The following KCNMA1 variants were observed in gnomAD, a reference collection of about 807,000 sequenced individuals.
The protein encoded by KCNMA1 is Calcium-activated potassium channel subunit alpha-1.
Under a neutral mutation model 140.0 loss-of-function variants are expected in KCNMA1, and 29 were observed. That is an observed-to-expected ratio of 0.21 (90% CI 0.15 to 0.28). The LOEUF (loss-of-function observed/expected upper bound fraction) is 0.28, where lower values mean the gene tolerates loss of function less well. KCNMA1 is among the 10% of genes least tolerant of loss of function. The pLI, the probability that KCNMA1 is intolerant of heterozygous loss-of-function variation, is 1.00. For missense variants in KCNMA1, 880 were observed against 1,602.2 expected (o/e 0.55, Z 7.70); for synonymous variants, 612 against 611.9 (o/e 1.00, Z 0.00).
chr10:77,209,403 G>A (rs1322703136), intron 3 of KCNMA1, among the ~76,000 whole-genome samples: 1 of 152,138 alleles, frequency 6.6e-6, no homozygotes, highest in Non-Finnish European at 1.5e-5. Context: ...CAAATTCTTG[G>A]TTTCTCACCT....
intron 1 of KCNMA1, among the ~76,000 whole-genome samples, chr10:77,431,672 G>T (rs1314749062): frequency 8.4e-6 from 1 of 119,752 alleles, no homozygotes; most frequent in Non-Finnish European, 1.6e-5. Flanking sequence ...CCTGAAGTCT[G>T]GTCTGTTGTA....
chr10:77,345,562 A>G (rs1287797431), intron 2 of KCNMA1, among the ~76,000 whole-genome samples: 1 of 152,204 alleles, frequency 6.6e-6, no homozygotes, highest in Non-Finnish European at 1.5e-5. Context: ...CATCAACCCA[A>G]GGGGGACAAA....
At chr10:77,054,760 T>C (rs1225602213) in intron 14 of KCNMA1, among the ~76,000 whole-genome samples, 1 of 152,232 alleles carries the variant, frequency 6.6e-6, no homozygotes, top group African/African-American at 2.4e-5. Flanking sequence ...TTTTATTGCA[T>C]GCCATTCTTC....
intron 13 of KCNMA1, among the ~76,000 whole-genome samples, chr10:77,073,901 T>G (rs931241276): frequency 6.6e-6 from 1 of 152,146 alleles, no homozygotes; most frequent in Non-Finnish European, 1.5e-5. Flanking sequence ...CTCTTGCAAA[T>G]GGACTGGTCC....
chr10:77,211,174 T>G (rs1385469842), intron 3 of KCNMA1, among the ~76,000 whole-genome samples: 2 of 151,812 alleles, frequency 1.3e-5, no homozygotes, highest in Non-Finnish European at 2.9e-5. Context: ...CCAACAAAGC[T>G]GGAGGCATCA....
At chr10:77,579,948 C>CAT (rs1036240544) in intron 1 of KCNMA1, among the ~76,000 whole-genome samples, 4 of 152,204 alleles carry the variant, frequency 2.6e-5, no homozygotes. Context: ...AACAGCCTCT[C>CAT]GTCCTAGCAA....
chr10:77,048,174 C>T (rs1023841729), intron 14 of KCNMA1, among the ~76,000 whole-genome samples: 2 of 147,798 alleles, frequency 1.4e-5, no homozygotes, highest in African/African-American at 2.5e-5. Flanking sequence ...ATGCAAGGTA[C>T]AAATCCAAAA....
chr10:77,138,636 TC>T lies in KCNMA1; in HGVS notation c.809-17589del, dbSNP rs374272518. ...TCAAATATCCATCAGATTACATTGC[TC>T]CCTGCCAAAAGCCATTACATGGCAT... On this transcript the variant is annotated intron_variant, in intron 5 of 27. Transcript: ENST00000286628. Among the ~76,000 whole-genome samples, 1,482 of 152,198 alleles carry T rather than the reference TC, an allele frequency of 9.7e-3. 19 individuals are homozygous for T. The highest frequency in any genetic ancestry group is 0.033 in the African/African-American group (1,386 of 41,512).
downstream of KCNMA1, chr10:76,877,673 G>T: frequency 6.8e-7 from 1 of 1,475,868 alleles, no homozygotes; most frequent in African/African-American, 1.4e-5. Flanking sequence ...CATGTAAGAA[G>T]AAAAGTCACA....
intron 19 of KCNMA1, among the ~76,000 whole-genome samples, chr10:76,989,925 G>C (rs1907722): frequency 0.31 from 47,373 of 151,944 alleles, 7,968 homozygotes; most frequent in Admixed American, 0.41. Context: ...ATGTGATCTT[G>C]GTCAAGTTCA....
At chr10:77,172,127 T>C (rs2098713790) in intron 5 of KCNMA1, among the ~76,000 whole-genome samples, 1 of 152,196 alleles carries the variant, frequency 6.6e-6, no homozygotes, top group Admixed American at 6.5e-5. Context: ...CAATCCATTA[T>C]GGCCCTGGTC....
chr10:77,236,551 T>C (rs1478197006), intron 3 of KCNMA1, among the ~76,000 whole-genome samples: 1 of 152,238 alleles, frequency 6.6e-6, no homozygotes, highest in Non-Finnish European at 1.5e-5. Flanking sequence ...TTCCCTGGAT[T>C]ACTGCAACCA....
chr10:77,561,690 C>A (rs983998659), intron 1 of KCNMA1, among the ~76,000 whole-genome samples: 1 of 152,142 alleles, frequency 6.6e-6, no homozygotes, highest in Admixed American at 6.5e-5. Flanking sequence ...ACAAGGGGCA[C>A]CATTGGCTAG....
chr10:77,475,213 G>A (rs532317698), intron 1 of KCNMA1, among the ~76,000 whole-genome samples: 13 of 152,168 alleles, frequency 8.5e-5, no homozygotes, highest in Non-Finnish European at 1.9e-4. Flanking sequence ...TCACCATTAC[G>A]AAAGAGGACA....
At chr10:76,982,179 G>A (rs1197787877) in intron 19 of KCNMA1, among the ~76,000 whole-genome samples, 1 of 152,118 alleles carries the variant, frequency 6.6e-6, no homozygotes, top group East Asian at 1.9e-4. Context: ...CCTAGCCAGA[G>A]AAATTAGATA....
chr10:77,518,375 C>T lies in KCNMA1; in HGVS notation c.379-114352G>A, dbSNP rs997439365. On this transcript the variant is annotated intron_variant, in intron 1 of 27. Transcript: ENST00000286628. ...CCAGAACAGGCCAACACATGGCAGG[C>T]CCTGGGACTGAAATTTCATAGTCCA... 2.0e-5 allele frequency among the ~76,000 whole-genome samples: 3 copies of T among 152,242 alleles called. No individual in the cohort carries two copies. In the South Asian group the frequency reaches 6.2e-4, roughly 32 times the overall value.
chr10:77,351,525 T>C (rs1392641426), intron 2 of KCNMA1, among the ~76,000 whole-genome samples: 1 of 152,196 alleles, frequency 6.6e-6, no homozygotes, highest in Non-Finnish European at 1.5e-5. Context: ...AACTAGGCTC[T>C]GTCACTCAGA....
intron 1 of KCNMA1, among the ~76,000 whole-genome samples, chr10:77,580,435 C>A (rs971730348): frequency 6.6e-6 from 1 of 151,694 alleles, no homozygotes; most frequent in African/African-American, 2.4e-5. Flanking sequence ...ACTAAAATCT[C>A]TAGGGATGAA....
At chr10:77,136,761 A>C (rs116042720) in intron 5 of KCNMA1, among the ~76,000 whole-genome samples, 2,014 of 152,248 alleles carry the variant, frequency 0.013, 43 homozygotes, top group African/African-American at 0.046. Context: ...TGAGTTTTTT[A>C]ATTTTTTTGT....
Sources: gnomAD v4.1 joint callset for allele counts (sites outside exome capture counted in the v4.1 genomes callset) on GRCh38, gnomAD v4.1.1 for gene constraint, MANE v1.5 for transcripts, NCBI Gene and HGNC (gene_info 2026-07-23, HGNC 2026-07-21) for gene names.